PCDH11X: variants seen among roughly 807,000 people sequenced by gnomAD.
PCDH11X encodes protocadherin 11 X-linked.
A neutral mutation model predicts 53.3 loss-of-function variants in PCDH11X; 18 were observed. The observed-to-expected ratio is 0.34, with a 90% CI of 0.23 to 0.50. The LOEUF (loss-of-function observed/expected upper bound fraction) is 0.50, where lower values mean the gene tolerates loss of function less well. Ranked by LOEUF, PCDH11X falls within the 20% of genes least tolerant of loss-of-function variation. PCDH11X has a pLI of 0.98. For synonymous variants in PCDH11X, 279 were observed against 393.3 expected, an observed-to-expected ratio of 0.71 and a Z score of 3.44; for missense variants, 570 against 1,032.4, an observed-to-expected ratio of 0.55 and a Z score of 6.14.
At chrX:92,104,213 G>A (rs1421790788) in intron 6 of PCDH11X, among the ~76,000 whole-genome samples, 1 of 110,838 alleles carries the variant, frequency 9.0e-6, no homozygotes, top group Non-Finnish European at 1.9e-5. Flanking sequence ...GTGAGGAGGG[G>A]AGGCGATAAA....
chrX:92,064,004 A>T (rs1023348989), intron 6 of PCDH11X, among the ~76,000 whole-genome samples: 9 of 108,991 alleles, frequency 8.3e-5, no homozygotes, highest in African/African-American at 3.0e-4. Flanking sequence ...TGGGGTGGTG[A>T]CAGCAGAATT....
chrX:92,130,043 A>G (rs1430179469), intron 6 of PCDH11X, among the ~76,000 whole-genome samples: 1 of 111,881 alleles, frequency 8.9e-6, no homozygotes, highest in African/African-American at 3.2e-5. Flanking sequence ...ATAAATCCCT[A>G]TATATGTATG....
At chrX:92,024,039 C>A (rs2062930966) in intron 6 of PCDH11X, among the ~76,000 whole-genome samples, 1 of 106,117 alleles carries the variant, frequency 9.4e-6, no homozygotes, top group African/African-American at 3.4e-5. Flanking sequence ...CTATTTATGA[C>A]AAATACACAG....
At chrX:92,310,087 C>T (rs2068917564) in intron 8 of PCDH11X, among the ~76,000 whole-genome samples, 1 of 111,831 alleles carries the variant, frequency 8.9e-6, no homozygotes, top group Non-Finnish European at 1.9e-5. Context: ...CCACCTGCTT[C>T]ACTCTGTTGC....
At chrX:92,193,843 T>C (rs976980534) in intron 6 of PCDH11X, among the ~76,000 whole-genome samples, 26 of 111,998 alleles carry the variant, frequency 2.3e-4, no homozygotes, top group African/African-American at 8.4e-4. Flanking sequence ...TTTGAGCTTT[T>C]CAAATTCTTA....
chrX:92,112,490 T>G (rs1194148870), intron 6 of PCDH11X, among the ~76,000 whole-genome samples: 1 of 110,456 alleles, frequency 9.1e-6, no homozygotes, highest in Non-Finnish European at 1.9e-5. Context: ...TTTCATCCTA[T>G]AATTGCTACC....
At chrX:92,419,548 A>G (rs1308399897) in intron 9 of PCDH11X, among the ~76,000 whole-genome samples, 11 of 107,291 alleles carry the variant, frequency 1.0e-4, no homozygotes, top group East Asian at 2.9e-4. Context: ...CTTAAAATAC[A>G]TGTGCTATAC....
At chrX:91,799,858 G>A (rs1175776537) in intron 1 of PCDH11X, among the ~76,000 whole-genome samples, 1 of 111,781 alleles carries the variant, frequency 8.9e-6, no homozygotes, top group African/African-American at 3.3e-5. Flanking sequence ...GGAGGCCGAG[G>A]TGAGTGGATC....
At chrX:92,108,260 A>G (rs995506374) in intron 6 of PCDH11X, among the ~76,000 whole-genome samples, 2 of 111,985 alleles carry the variant, frequency 1.8e-5, no homozygotes, top group Non-Finnish European at 3.8e-5. Context: ...TGGCAAGTGC[A>G]TTCAGCCACC....
At chrX:92,092,217 A>G (rs2064061081) in intron 6 of PCDH11X, among the ~76,000 whole-genome samples, 1 of 111,455 alleles carries the variant, frequency 9.0e-6, no homozygotes, top group African/African-American at 3.3e-5. Flanking sequence ...ACGTGGTTGT[A>G]TAATTGCCCA....
chrX:92,502,760 T>C (rs1603349941), intron 10 of PCDH11X, among the ~76,000 whole-genome samples: 1 of 111,795 alleles, frequency 8.9e-6, no homozygotes, highest in South Asian at 3.7e-4. Flanking sequence ...ATAAAAAGCC[T>C]AGAAGAAAAT....
At chrX:92,250,623 A>G (rs1312905236) in intron 7 of PCDH11X, among the ~76,000 whole-genome samples, 1 of 105,622 alleles carries the variant, frequency 9.5e-6, no homozygotes, top group Non-Finnish European at 2.0e-5. Flanking sequence ...AATAATATGT[A>G]TAAAAATATA....
intron 9 of PCDH11X, among the ~76,000 whole-genome samples, chrX:92,424,741 T>C (rs1293757425): frequency 2.0e-5 from 2 of 97,766 alleles, no homozygotes; most frequent in African/African-American, 6.6e-5. Flanking sequence ...GTGTGTTGCT[T>C]CTCTATGTTT....
At chrX:92,336,428 G>A (rs966058818) in intron 8 of PCDH11X, among the ~76,000 whole-genome samples, 3 of 111,594 alleles carry the variant, frequency 2.7e-5, no homozygotes, top group African/African-American at 9.7e-5. Context: ...ATATAAAACT[G>A]TTTATTGCAT....
At position 92,070,121 on chromosome X, in the gene PCDH11X, CT is replaced by C. The variant is rs200898664; in HGVS notation, c.3034-131253del. On this transcript the variant is annotated intron_variant, in intron 6 of 10. Coordinates refer to ENST00000682573, the MANE Select transcript of PCDH11X (RefSeq NM_032968.5). ...TTGTTTTTCTTTATGTCTTATTTTG[CT>C]GTGTCTTGCAAAAATGTTGGAGTTA... 5.6e-3 allele frequency among the ~76,000 whole-genome samples: 621 copies of C among 111,380 alleles called. 5 individuals carry two copies. Among genetic ancestry groups the C allele is most frequent in the African/African-American group, 0.019 (596 of 30,765 alleles).
chrX:92,431,650 T>C (rs1450733315), intron 9 of PCDH11X, among the ~76,000 whole-genome samples: 1 of 109,795 alleles, frequency 9.1e-6, no homozygotes, highest in Non-Finnish European at 1.9e-5. Context: ...CAGATTATCT[T>C]CACATGAGAT....
intron 9 of PCDH11X, among the ~76,000 whole-genome samples, chrX:92,451,165 GC>G (rs1410237546): frequency 1.8e-5 from 2 of 110,336 alleles, no homozygotes; most frequent in Non-Finnish European, 3.8e-5. Flanking sequence ...TTTGCAGTTT[GC>G]CCATACCTTC....
chrX:92,237,470 A>G (rs1197180095), intron 7 of PCDH11X, among the ~76,000 whole-genome samples: 1 of 111,147 alleles, frequency 9.0e-6, no homozygotes, highest in African/African-American at 3.3e-5. Flanking sequence ...ACAGAAGTGT[A>G]TTTGGAGAAT....
chrX:91,991,814 T>A (rs990341364), intron 6 of PCDH11X, among the ~76,000 whole-genome samples: 1 of 110,904 alleles, frequency 9.0e-6, no homozygotes, highest in South Asian at 3.7e-4. Flanking sequence ...TCATATTTTT[T>A]AATTTCTTTT....
Sources: gnomAD v4.1 joint callset for allele counts (sites outside exome capture counted in the v4.1 genomes callset) on GRCh38, gnomAD v4.1.1 for gene constraint, MANE v1.5 for transcripts, NCBI Gene and HGNC (gene_info 2026-07-23, HGNC 2026-07-21) for gene names.